Variants in SPOCK1 observed in about 807,000 individuals in gnomAD.
SPOCK1 encodes testican-1.
Under a neutral mutation model 55.3 loss-of-function variants are expected in SPOCK1, and 23 were observed. The ratio of observed to expected loss-of-function variants is 0.42; its 90% CI spans 0.30 to 0.59. The LOEUF is 0.59. SPOCK1 is among the 20% of genes least tolerant of loss of function. The pLI, the probability that SPOCK1 is intolerant of heterozygous loss-of-function variation, is 0.22. For synonymous variants in SPOCK1, 226 were observed against 221.0 expected, an observed-to-expected ratio of 1.02 and a Z score of -0.20; for missense variants, 499 against 552.5, an observed-to-expected ratio of 0.90 and a Z score of 0.97.
chr5:137,394,554 T>C (rs191618290), intron 2 of SPOCK1, among the ~76,000 whole-genome samples: 1 of 152,318 alleles, frequency 6.6e-6, no homozygotes, highest in East Asian at 1.9e-4. Flanking sequence ...TTAGTGCTGG[T>C]GACCACATGT....
chr5:137,178,494 GC>G (rs1233495296), intron 3 of SPOCK1, among the ~76,000 whole-genome samples: 1 of 152,204 alleles, frequency 6.6e-6, no homozygotes, highest in African/African-American at 2.4e-5. Flanking sequence ...TCCACACCTT[GC>G]TTTTAAGGAG....
chr5:137,108,202 G>A (rs898983768), intron 5 of SPOCK1, among the ~76,000 whole-genome samples: 1 of 152,132 alleles, frequency 6.6e-6, no homozygotes, highest in South Asian at 2.1e-4. Flanking sequence ...TAAGTGGCCA[G>A]GTATTTAGGA....
At chr5:137,058,260 G>C (rs773422440) in intron 6 of SPOCK1, among the ~76,000 whole-genome samples, 1 of 152,286 alleles carries the variant, frequency 6.6e-6, no homozygotes, top group East Asian at 1.9e-4. Flanking sequence ...TCCAGAAAAG[G>C]TTTCAGATCC....
At chr5:137,169,091 A>G (rs1473481768) in intron 3 of SPOCK1, among the ~76,000 whole-genome samples, 1 of 152,188 alleles carries the variant, frequency 6.6e-6, no homozygotes, top group African/African-American at 2.4e-5. Context: ...TGGGCACAGA[A>G]AGACAAACTG....
chr5:137,226,585 T>C (rs1755951442), intron 3 of SPOCK1, among the ~76,000 whole-genome samples: 1 of 152,202 alleles, frequency 6.6e-6, no homozygotes. Context: ...TCAATATGGC[T>C]GATGAGGCCC....
At position 136,978,692 on chromosome 5, in the gene SPOCK1, C is replaced by A; in HGVS notation, c.1282G>T (p.Asp428Tyr). Residue 428 changes from aspartate to tyrosine, a missense_variant, in exon 11 of 11, where the codon GAT becomes TAT. Transcript: ENST00000394945. The stretch of plus-strand genomic sequence containing the variant: ...CCGACCTCATCCTCTTTGTCATCAT[C>A]CTCATCCTCATCATCCTCTGTCACG... The part of the protein sequence containing the change: ...RAVTEDDEDE[D>Y]DDKEDEVGYI... 1 of 1,613,260 alleles carries A rather than the reference C, an allele frequency of 6.2e-7. No individual in the cohort carries two copies. Among genetic ancestry groups the A allele is most frequent in the African/African-American group, 1.3e-5 (1 of 74,960 alleles).
At chr5:137,050,238 G>C (rs1445578794) in intron 6 of SPOCK1, among the ~76,000 whole-genome samples, 1 of 86,100 alleles carries the variant, frequency 1.2e-5, no homozygotes, top group Non-Finnish European at 2.4e-5. Flanking sequence ...CCCTCCCCCA[G>C]CCTCGTTGCT....
intron 3 of SPOCK1, among the ~76,000 whole-genome samples, chr5:137,254,239 CA>C (rs915629590): frequency 2.0e-5 from 3 of 152,290 alleles, no homozygotes; most frequent in African/African-American, 7.2e-5. Flanking sequence ...AGGGTCACCG[CA>C]AAGAGATGTG....
chr5:137,004,261 G>T (rs1246028571), intron 6 of SPOCK1, among the ~76,000 whole-genome samples: 1 of 152,154 alleles, frequency 6.6e-6, no homozygotes, highest in African/African-American at 2.4e-5. Context: ...TGCTTCCAGT[G>T]AACAAGCTGA....
intron 3 of SPOCK1, among the ~76,000 whole-genome samples, chr5:137,246,807 C>A (rs892618): frequency 0.068 from 10,243 of 150,986 alleles, 1,056 homozygotes; most frequent in African/African-American, 0.23. Context: ...GAAGCAAGAA[C>A]CCCAAAACAA....
intron 3 of SPOCK1, among the ~76,000 whole-genome samples, chr5:137,156,852 T>G (rs1233563160): frequency 6.6e-6 from 1 of 152,110 alleles, no homozygotes; most frequent in East Asian, 1.9e-4. Context: ...TCCAGAGCCC[T>G]CCTGCACCAG....
intron 6 of SPOCK1, among the ~76,000 whole-genome samples, chr5:136,999,948 A>G (rs1170073941): frequency 6.6e-6 from 1 of 152,174 alleles, no homozygotes; most frequent in African/African-American, 2.4e-5. Flanking sequence ...CTAAAGAACC[A>G]AAGGATAAAA....
intron 8 of SPOCK1, among the ~76,000 whole-genome samples, chr5:136,988,065 C>T (rs1032090161): frequency 6.6e-6 from 1 of 152,136 alleles, no homozygotes; most frequent in African/African-American, 2.4e-5. Flanking sequence ...TTTTCATTGT[C>T]TCTTACATTT....
At position 137,105,910 on chromosome 5, in the gene SPOCK1, G is replaced by A. The variant is rs548307117; in HGVS notation, c.474+6525C>T. 1.8e-3 allele frequency among the ~76,000 whole-genome samples: 273 copies of A among 152,258 alleles called. 1 individual carries two copies. The highest frequency in any genetic ancestry group is 3.4e-3 in the Non-Finnish European group (228 of 68,014). On this transcript the variant is annotated intron_variant, in intron 5 of 10. Transcript: ENST00000394945. ...CAGACGGGTGTTTGCCTGCTTGGTC[G>A]CCGATTACCAGCAGCCAAGCTGATG...
chr5:137,272,045 T>G (rs1233515016), intron 2 of SPOCK1, among the ~76,000 whole-genome samples: 3 of 152,210 alleles, frequency 2.0e-5, no homozygotes, highest in Non-Finnish European at 4.4e-5. Context: ...GTAGTCATTT[T>G]GGAGTTGTCT....
At chr5:137,271,394 T>A (rs1756961358) in intron 2 of SPOCK1, among the ~76,000 whole-genome samples, 1 of 148,756 alleles carries the variant, frequency 6.7e-6, no homozygotes. Flanking sequence ...ATATAATATA[T>A]ATTATTAAAG....
intron 3 of SPOCK1, among the ~76,000 whole-genome samples, chr5:137,235,737 T>C (rs901383478): frequency 1.3e-5 from 2 of 152,176 alleles, no homozygotes; most frequent in Non-Finnish European, 2.9e-5. Context: ...TGTTTATACA[T>C]AAGAGTAGTA....
chr5:137,292,543 C>T (rs2127131663), intron 2 of SPOCK1, among the ~76,000 whole-genome samples: 1 of 150,354 alleles, frequency 6.7e-6, no homozygotes, highest in Admixed American at 6.6e-5. Context: ...GATGGAGTCA[C>T]CCATCACCTT....
At chr5:137,274,335 T>C (rs779080078) in intron 2 of SPOCK1, among the ~76,000 whole-genome samples, 7 of 152,206 alleles carry the variant, frequency 4.6e-5, no homozygotes, top group Non-Finnish European at 8.8e-5. Flanking sequence ...ACTGTAAACA[T>C]GGCAGGCTTT....
Sources: allele counts gnomAD v4.1 joint callset (sites outside exome capture counted in the v4.1 genomes callset), GRCh38; gene constraint gnomAD v4.1.1; transcripts MANE v1.5; gene names NCBI Gene and HGNC (gene_info 2026-07-23, HGNC 2026-07-21).